PCDHGA5: variants seen among roughly 807,000 people sequenced by gnomAD.
PCDHGA5 encodes protocadherin gamma-A5.
A neutral mutation model predicts 56.7 loss-of-function variants in PCDHGA5; 36 were observed. That is an observed-to-expected ratio of 0.64 (90% CI 0.49 to 0.84). The LOEUF is 0.84. Among genes scored for constraint, PCDHGA5 ranks in the 40% least tolerant of loss-of-function variants. PCDHGA5 has a pLI of 0.00. For missense variants in PCDHGA5, 1,305 were observed against 1,201.5 expected, an observed-to-expected ratio of 1.09 and a Z score of -1.27; for synonymous variants, 563 against 520.2, an observed-to-expected ratio of 1.08 and a Z score of -1.12.
In PCDHGA5 at chr5:141,489,068, G is replaced by GGC; in HGVS notation, c.2422-5739_2422-5738insGC. 1 of 291,558 alleles carries GGC rather than the reference G, an allele frequency of 3.4e-6. No individual in the cohort carries two copies. The allele number at this position is 291,558 out of a possible 1,614,324, so 18.1% of individuals were successfully genotyped here. ...CTCAAATTCAGCTCCCCTCCCCCCT[G>GGC]CCCACCCCCGCCACTCGGTGACTAA... On this transcript the variant is annotated intron_variant, in intron 1 of 3. Transcript: ENST00000518069. The surrounding 1 kb of genome is among the most constrained non-coding windows in gnomAD (Gnocchi z 4.5).
rs750405300 is a variant in PCDHGA5 at position 141,365,483 on chromosome 5, T to A, written c.1153T>A (p.Ser385Thr). 2 of 1,614,018 alleles carry A rather than the reference T, an allele frequency of 1.2e-6. No individual in the cohort carries two copies. The highest frequency in any genetic ancestry group is 1.7e-6 in the Non-Finnish European group (2 of 1,179,894). The change falls in exon 1 of 4, where the codon TCT (serine) becomes ACT (threonine). Residue 385 changes from serine to threonine, a missense_variant. Transcript: ENST00000518069. ...DSGENGEIACSIPRNLPFKLE... is the reference protein window; with the variant it reads ...DSGENGEIACTIPRNLPFKLE... ...TGGAGAAAATGGTGAGATTGCATGC[T>A]CTATTCCTAGGAATTTGCCTTTTAA...
intron 1 of PCDHGA5, chr5:141,412,735 T>A (rs2095573578): frequency 6.5e-6 from 1 of 153,492 alleles, no homozygotes; most frequent in African/African-American, 2.4e-5. Context: ...GTGTTGCAAA[T>A]ATATATTTAA....
chr5:141,395,343 G>T (rs903122712), intron 1 of PCDHGA5: 1 of 1,396,676 alleles, frequency 7.2e-7, no homozygotes, highest in Non-Finnish European at 9.5e-7. Flanking sequence ...TTTTTAAGGT[G>T]TATCACAGAG....
chr5:141,497,131 A>G (rs1269110126), intron 2 of PCDHGA5, among the ~76,000 whole-genome samples: 3 of 152,122 alleles, frequency 2.0e-5, no homozygotes, highest in Admixed American at 6.6e-5. Flanking sequence ...GGTTGCAGTG[A>G]GCTGAGATCA....
chr5:141,370,843 C>A (rs765653454), intron 1 of PCDHGA5: 1 of 1,614,052 alleles, frequency 6.2e-7, no homozygotes, highest in South Asian at 1.1e-5. Flanking sequence ...CTCACTGGAG[C>A]CACATTTGCC....
At chr5:141,375,054 G>A (rs749207935) in intron 1 of PCDHGA5, 3 of 1,614,004 alleles carry the variant, frequency 1.9e-6, no homozygotes, top group Non-Finnish European at 2.5e-6. Flanking sequence ...GCCCGGGATG[G>A]GCCAGGTCTT....
rs748462670 is a variant in PCDHGA5, at chr5:141,478,010, C to T, written c.2422-16797C>T. Reference sequence around the variant, plus strand: ...GCACACTGGTCAAATCAGTACTGCCCGTCCAGTCCAAGACACAGATTCACC... The same window carrying T: ...GCACACTGGTCAAATCAGTACTGCCTGTCCAGTCCAAGACACAGATTCACC... On this transcript the variant is annotated intron_variant, in intron 1 of 3. Coordinates refer to ENST00000518069, the MANE Select transcript of PCDHGA5 (RefSeq NM_018918.3). 9 of 1,614,008 alleles carry T rather than the reference C, an allele frequency of 5.6e-6. No homozygotes were observed. The highest frequency in any genetic ancestry group is 1.7e-5 in the Admixed American group (1 of 59,998).
chr5:141,390,002 T>A (rs1263938438), intron 1 of PCDHGA5: 1 of 1,614,038 alleles, frequency 6.2e-7, no homozygotes, highest in East Asian at 2.2e-5. Context: ...TGGCCATGAT[T>A]CTGGCCATTG....
In PCDHGA5 at chr5:141,383,574, C is replaced by T. The variant is rs1338805390; in HGVS notation, c.2421+16823C>T. The stretch of plus-strand genomic sequence containing the variant: ...GCGGCGACCCGCCCCGATCCAGCAC[C>T]GCCCACATCCAGGTGACAGTGGTGG... On this transcript the variant is annotated intron_variant, in intron 1 of 3. Transcript: ENST00000518069. The T allele has an allele frequency of 3.7e-6, 6 of 1,613,366 alleles. No homozygotes were observed. In the South Asian group the frequency reaches 5.5e-5, roughly 15 times the overall value.
At chr5:141,370,421 C>T in intron 1 of PCDHGA5, 1 of 1,580,640 alleles carries the variant, frequency 6.3e-7, no homozygotes. Flanking sequence ...GATGGAGGGG[C>T]CCAGCAGGGC....
At position 141,432,724 on chromosome 5, in the gene PCDHGA5, C is replaced by T. The variant is rs752394602; in HGVS notation, c.2422-62083C>T. ...AGGACCACGGCCAGCCCCCTCTCTCCGCCACTGTCACGCTCACCGTGGCCG... is the reference window on the plus strand; with the variant it reads ...AGGACCACGGCCAGCCCCCTCTCTCTGCCACTGTCACGCTCACCGTGGCCG... On this transcript the variant is annotated intron_variant, in intron 1 of 3. Coordinates refer to ENST00000518069, the MANE Select transcript of PCDHGA5 (RefSeq NM_018918.3). The surrounding 1 kb of genome is among the most constrained non-coding windows in gnomAD (Gnocchi z 6.0). The T allele has an allele frequency of 8.1e-6, 13 of 1,614,066 alleles. No individual in the cohort carries two copies. Among genetic ancestry groups the T allele is most frequent in the Middle Eastern group, 1.6e-4 (1 of 6,062 alleles).
intron 1 of PCDHGA5, chr5:141,394,240 C>G (rs1392586422): frequency 6.2e-7 from 1 of 1,613,822 alleles, no homozygotes; most frequent in African/African-American, 1.3e-5. Flanking sequence ...TCCTTGACTG[C>G]ACACGACCCC....
At chr5:141,414,748 G>A in intron 1 of PCDHGA5, 5 of 1,614,182 alleles carry the variant, frequency 3.1e-6, no homozygotes, top group Non-Finnish European at 4.2e-6. Context: ...CAGATCCTTC[G>A]ACTATGAGCA....
intron 1 of PCDHGA5, among the ~76,000 whole-genome samples, chr5:141,444,885 T>C (rs547403761): frequency 6.6e-6 from 1 of 152,320 alleles, no homozygotes; most frequent in African/African-American, 2.4e-5. Flanking sequence ...TGTAGGATTT[T>C]TGAATGGGAT....
At chr5:141,428,187 C>G in intron 1 of PCDHGA5, 3 of 1,439,502 alleles carry the variant, frequency 2.1e-6, no homozygotes, top group South Asian at 1.2e-5. Flanking sequence ...GGACAGCCGC[C>G]GCTCTCTGCG....
rs200348921 is a variant in PCDHGA5 at position 141,374,104 on chromosome 5, T to G, written c.2421+7353T>G. 296 of 1,570,490 alleles carry G rather than the reference T, an allele frequency of 1.9e-4. No individual in the cohort carries two copies. Among genetic ancestry groups the G allele is most frequent in the Non-Finnish European group, 2.4e-4 (283 of 1,156,394 alleles). On this transcript the variant is annotated intron_variant, in intron 1 of 3. Transcript: ENST00000518069. ...CAGTAATGGCGCCTCCGCAGAGGCA[T>G]CCGCAGCGCAGCGAGCAGGTCCTGC...
In PCDHGA5 at chr5:141,370,188, T is replaced by G. The variant is rs1036214596; in HGVS notation, c.2421+3437T>G. ...AGAGGCGCCGGGTGCCGCTCTTGGCTAGTGCTGTGCAAAATATTGGCTCCT... is the reference window on the plus strand; with the variant it reads ...AGAGGCGCCGGGTGCCGCTCTTGGCGAGTGCTGTGCAAAATATTGGCTCCT... On this transcript the variant is annotated intron_variant, in intron 1 of 3. Transcript: ENST00000518069. 2.9e-4 allele frequency: 151 copies of G among 511,926 alleles called. 1 individual carries two copies. In the East Asian group the frequency reaches 4.2e-3, roughly 14 times the overall value. 31.7% of individuals were successfully genotyped at this position (511,926 alleles called of 1,614,324 possible).
At chr5:141,419,117 G>A (rs1362880648) in intron 1 of PCDHGA5, 2 of 1,613,836 alleles carry the variant, frequency 1.2e-6, no homozygotes, top group Non-Finnish European at 1.7e-6. Flanking sequence ...AGAGTACAAC[G>A]TCACCATCGC....
chr5:141,408,404 G>C lies in PCDHGA5; in HGVS notation c.2421+41653G>C, dbSNP rs372659902. ...GGATGTGTCGGCTCGCAAGCTGCGAGTGAGCGCGGAGAAGCTGCACTTCAG... is the reference window on the plus strand; with the variant it reads ...GGATGTGTCGGCTCGCAAGCTGCGACTGAGCGCGGAGAAGCTGCACTTCAG... On this transcript the variant is annotated intron_variant, in intron 1 of 3. Transcript: ENST00000518069. 6.2e-4 allele frequency: 1,002 copies of C among 1,614,072 alleles called. 1 individual carries two copies. The highest frequency in any genetic ancestry group is 8.3e-4 in the Non-Finnish European group (980 of 1,179,896).
Sources: allele counts gnomAD v4.1 joint callset (sites outside exome capture counted in the v4.1 genomes callset), GRCh38; gene constraint gnomAD v4.1.1; non-coding constraint Gnocchi (gnomAD v3.1); transcripts MANE v1.5; gene names NCBI Gene and HGNC (gene_info 2026-07-23, HGNC 2026-07-21).